The following SLC36A1 variants were observed in gnomAD, a reference collection of about 807,000 sequenced individuals.
SLC36A1 encodes proton-coupled amino acid transporter 1.
SLC36A1 carries 30 observed loss-of-function variants against 47.5 expected under a neutral mutation model. The observed-to-expected ratio is 0.63, with a 90% CI of 0.47 to 0.86. SLC36A1 has a LOEUF of 0.86. Among genes scored for constraint, SLC36A1 ranks in the 40% least tolerant of loss-of-function variants. The probability of loss-of-function intolerance (pLI) is 0.00; values close to 1 mark genes in which losing one functional copy is unlikely to be tolerated. For synonymous variants in SLC36A1, 255 were observed against 249.7 expected (o/e 1.02, Z -0.20); for missense variants, 517 against 606.0 (o/e 0.85, Z 1.54).
the SLC36A1 span, among the ~76,000 whole-genome samples, chr5:151,551,969 C>G: frequency 1.5e-5 from 2 of 137,734 alleles, no homozygotes; most frequent in Admixed American, 1.5e-4. Context: ...TTTAATATAA[C>G]CCTAAGGGTG....
the SLC36A1 span, among the ~76,000 whole-genome samples, chr5:151,395,267 AG>A: frequency 7.9e-5 from 12 of 152,212 alleles, no homozygotes; most frequent in Non-Finnish European, 1.8e-4. Flanking sequence ...GTGCAGTATT[AG>A]GGTGGGAGTG....
chr5:151,505,307 G>C, the SLC36A1 span: 3 of 546,680 alleles, frequency 5.5e-6, no homozygotes, highest in East Asian at 9.7e-5. Flanking sequence ...AATTGTTCCT[G>C]GTTTTCCAGG....
At chr5:151,543,226 A>G in the SLC36A1 span, 4 of 1,614,164 alleles carry the variant, frequency 2.5e-6, no homozygotes, top group South Asian at 1.1e-5. Context: ...GTTAATTTCA[A>G]TGACATCTTT....
chr5:151,393,407 G>A, the SLC36A1 span, among the ~76,000 whole-genome samples: 1 of 152,104 alleles, frequency 6.6e-6, no homozygotes, highest in Admixed American at 6.5e-5. Context: ...TTTACATTTA[G>A]GGTTAATAGT....
Position 151,465,143 on chromosome 5 carries a change from G to T in SLC36A1, c.393G>T (p.Trp131Cys), listed in dbSNP as rs201820090. The T allele has an allele frequency of 8.1e-6, 13 of 1,614,016 alleles. No individual in the cohort carries two copies. The highest frequency in any genetic ancestry group is 1.1e-5 in the Non-Finnish European group (13 of 1,180,002). ...MYGLESSPCS[W>C]LRNHAHWGRR... ...GACTAGAATCCAGCCCCTGCTCCTG[G>T]CTCCGGAACCACGCACACTGGGGAA... The change falls in exon 5 of 11, where the codon TGG (tryptophan) becomes TGT (cysteine). Residue 131 changes from tryptophan (W) to cysteine (C), a missense_variant. By Grantham distance (215) the Trp-to-Cys change is radical. Coordinates refer to ENST00000243389, the MANE Select transcript of SLC36A1 (RefSeq NM_078483.4).
At chr5:151,521,512 T>C in the SLC36A1 span, 1 of 1,614,196 alleles carries the variant, frequency 6.2e-7, no homozygotes, top group Non-Finnish European at 8.5e-7. Flanking sequence ...CTGAAACTCG[T>C]AGAAGGTTCC....
chr5:151,364,096 A>AC, the SLC36A1 span, among the ~76,000 whole-genome samples: 19 of 152,216 alleles, frequency 1.2e-4, no homozygotes, highest in Non-Finnish European at 2.4e-4. Context: ...GTCTGTAAGT[A>AC]CTTGTGTGTG....
At chr5:151,495,228 T>A (rs1464931050), downstream of SLC36A1, among the ~76,000 whole-genome samples, 1 of 152,234 alleles carries the variant, frequency 6.6e-6, no homozygotes. Flanking sequence ...ATTTCCCCAA[T>A]GGCTAGTGAT....
chr5:151,514,835 ACCT>A, the SLC36A1 span, among the ~76,000 whole-genome samples: 1 of 151,498 alleles, frequency 6.6e-6, no homozygotes, highest in East Asian at 1.9e-4. Context: ...CTACCTCCTC[ACCT>A]CCTCAAGGGT....
At chr5:151,482,993 C>T (rs148930599) in intron 10 of SLC36A1, among the ~76,000 whole-genome samples, 7,850 of 151,990 alleles carry the variant, frequency 0.052, 262 homozygotes, top group Non-Finnish European at 0.08. Context: ...GCCAAGATCG[C>T]GCCACTGCAC....
the SLC36A1 span, among the ~76,000 whole-genome samples, chr5:151,414,358 G>A: frequency 6.6e-6 from 1 of 152,068 alleles, no homozygotes; most frequent in Admixed American, 6.6e-5. Flanking sequence ...ATTTGAGAAT[G>A]GTAGATAGCC....
At chr5:151,377,105 A>T in the SLC36A1 span, among the ~76,000 whole-genome samples, 4 of 152,286 alleles carry the variant, frequency 2.6e-5, no homozygotes, top group South Asian at 8.3e-4. Context: ...AGTTTTTAAA[A>T]ATTTATTGAG....
the SLC36A1 span, among the ~76,000 whole-genome samples, chr5:151,395,622 G>T: frequency 1.3e-5 from 2 of 152,232 alleles, no homozygotes; most frequent in African/African-American, 2.4e-5. Flanking sequence ...ATGTGAGTTG[G>T]TGTGTGTGCA....
the SLC36A1 span, among the ~76,000 whole-genome samples, chr5:151,508,483 C>T: frequency 2.6e-5 from 4 of 152,032 alleles, no homozygotes; most frequent in Admixed American, 1.3e-4. Flanking sequence ...GCCGAGTCAG[C>T]GGGATCACTT....
At chr5:151,469,221 A>G in intron 7 of SLC36A1, 1 of 699,632 alleles carries the variant, frequency 1.4e-6, no homozygotes, top group Non-Finnish European at 2.6e-6. Context: ...GACCCGCTGT[A>G]TGTGATTGGT....
At chr5:151,357,755 T>TTCC in the SLC36A1 span, among the ~76,000 whole-genome samples, 1 of 152,270 alleles carries the variant, frequency 6.6e-6, no homozygotes, top group East Asian at 1.9e-4. Context: ...TGCCAACCTC[T>TTCC]GACTTAAGTC....
intron 7 of SLC36A1, among the ~76,000 whole-genome samples, chr5:151,471,477 C>G (rs1757304939): frequency 1.3e-5 from 2 of 152,170 alleles, no homozygotes; most frequent in African/African-American, 4.8e-5. Context: ...TGAATCTGAT[C>G]TGATGTATGA....
At chr5:151,518,052 C>A in the SLC36A1 span, among the ~76,000 whole-genome samples, 1 of 152,124 alleles carries the variant, frequency 6.6e-6, no homozygotes, top group Non-Finnish European at 1.5e-5. Context: ...AAAAGTCATC[C>A]AGGTGAGGTG....
At chr5:151,416,965 C>T in the SLC36A1 span, among the ~76,000 whole-genome samples, 6 of 152,314 alleles carry the variant, frequency 3.9e-5, no homozygotes, top group South Asian at 1.2e-3. Context: ...TAGCACTTCT[C>T]CTGCCTACCA....
Sources: allele counts gnomAD v4.1 joint callset (sites outside exome capture counted in the v4.1 genomes callset), GRCh38; gene constraint gnomAD v4.1.1; transcripts MANE v1.5; gene names NCBI Gene and HGNC (gene_info 2026-07-23, HGNC 2026-07-21).